The following GLIS1 variants were observed in gnomAD, a reference collection of about 807,000 sequenced individuals.
GLIS1 encodes the protein GLIS family zinc finger 1, also known as zinc finger protein GLIS1.
In GLIS1, 24 loss-of-function variants were observed where a neutral mutation model predicts 63.8. The observed-to-expected ratio is 0.38, with a 90% CI of 0.27 to 0.53. The LOEUF (loss-of-function observed/expected upper bound fraction) is 0.53, where lower values mean the gene tolerates loss of function less well. GLIS1 is among the 20% of genes least tolerant of loss of function. The pLI, the probability that GLIS1 is intolerant of heterozygous loss-of-function variation, is 0.85. For synonymous variants in GLIS1, 450 were observed against 482.5 expected, an observed-to-expected ratio of 0.93 and a Z score of 0.88; for missense variants, 1,036 against 1,074.1, an observed-to-expected ratio of 0.96 and a Z score of 0.50.
At chr1:53,519,965 A>G (rs536734950) in intron 7 of GLIS1, among the ~76,000 whole-genome samples, 1 of 152,324 alleles carries the variant, frequency 6.6e-6, no homozygotes, top group East Asian at 1.9e-4. Flanking sequence ...TGCTTGGGGC[A>G]GGGCCATGGG....
chr1:53,509,000 G>T, intron 10 of GLIS1, 120 bp downstream of exon 10: 1 of 1,004,376 alleles, frequency 1.0e-6, no homozygotes, highest in Non-Finnish European at 1.4e-6. Context: ...CCTCTGTAAA[G>T]TGGGGATGGC....
intron 2 of GLIS1, 118 bp downstream of exon 2, chr1:53,737,688 G>C: frequency 3.0e-6 from 3 of 1,015,888 alleles, no homozygotes; most frequent in Non-Finnish European, 3.8e-6. Context: ...AACAATAAGA[G>C]AGAAACTGAG....
intron 4 of GLIS1, among the ~76,000 whole-genome samples, chr1:53,590,451 G>T (rs1359159303): frequency 3.3e-5 from 5 of 152,150 alleles, no homozygotes; most frequent in African/African-American, 9.7e-5. Flanking sequence ...GTAGAGAAGG[G>T]CATTGTCATG....
intron 2 of GLIS1, among the ~76,000 whole-genome samples, chr1:53,633,714 T>C (rs1176557742): frequency 6.6e-6 from 1 of 152,118 alleles, no homozygotes; most frequent in Non-Finnish European, 1.5e-5. Flanking sequence ...TTCTTTGTTC[T>C]TGGGGGCTGT....
At chr1:53,727,718 A>C (rs1158958744) in intron 2 of GLIS1, among the ~76,000 whole-genome samples, 1 of 152,146 alleles carries the variant, frequency 6.6e-6, no homozygotes, top group Non-Finnish European at 1.5e-5. Flanking sequence ...TCCTTCCCAG[A>C]GGGAGGGGAG....
chr1:53,662,180 C>T (rs1241016011), intron 2 of GLIS1, among the ~76,000 whole-genome samples: 2 of 152,226 alleles, frequency 1.3e-5, no homozygotes, highest in African/African-American at 2.4e-5. Flanking sequence ...CTTGGGGCCT[C>T]AGACGTTCAT....
chr1:53,675,860 C>T (rs1053422358), intron 2 of GLIS1, among the ~76,000 whole-genome samples: 15 of 151,936 alleles, frequency 9.9e-5, no homozygotes, highest in African/African-American at 3.4e-4. Flanking sequence ...CCCCCAACCC[C>T]CACCCCACAG....
chr1:53,658,613 TGATGTCAGA>T (rs1459827205), intron 2 of GLIS1, among the ~76,000 whole-genome samples: 4 of 152,192 alleles, frequency 2.6e-5, no homozygotes, highest in Non-Finnish European at 5.9e-5. Flanking sequence ...AAGCCCATGC[TGATGTCAGA>T]GTCTCCTCTT....
chr1:53,618,274 G>A (rs898563935), intron 2 of GLIS1, among the ~76,000 whole-genome samples: 1 of 152,242 alleles, frequency 6.6e-6, no homozygotes, highest in Non-Finnish European at 1.5e-5. Context: ...ATGCAGAAAT[G>A]AATACACCAG....
chr1:53,579,493 G>A (rs1427905215), intron 4 of GLIS1, among the ~76,000 whole-genome samples: 4 of 152,238 alleles, frequency 2.6e-5, no homozygotes, highest in African/African-American at 9.6e-5. Context: ...TCACCAACCA[G>A]TTGTCAGGAC....
At chr1:53,698,206 A>C (rs762202420) in intron 2 of GLIS1, among the ~76,000 whole-genome samples, 1 of 152,162 alleles carries the variant, frequency 6.6e-6, no homozygotes, top group African/African-American at 2.4e-5. Context: ...AGAGCTGGGG[A>C]AGGACCTTAG....
chr1:53,585,989 G>A (rs1342591183), intron 4 of GLIS1, among the ~76,000 whole-genome samples: 4 of 152,230 alleles, frequency 2.6e-5, no homozygotes, highest in African/African-American at 7.2e-5. Flanking sequence ...GCAGAGCTGG[G>A]ATGAGTCTCC....
intron 4 of GLIS1, among the ~76,000 whole-genome samples, chr1:53,538,329 C>T (rs1272390229): frequency 2.0e-5 from 3 of 152,136 alleles, no homozygotes; most frequent in Non-Finnish European, 2.9e-5. Flanking sequence ...GGGGCATGTG[C>T]GGGGACTGAG....
At chr1:53,541,086 T>C (rs1421705460) in intron 4 of GLIS1, among the ~76,000 whole-genome samples, 2 of 151,982 alleles carry the variant, frequency 1.3e-5, no homozygotes, top group Non-Finnish European at 2.9e-5. Flanking sequence ...TCCACTGGTG[T>C]GTAGCTCCTG....
At chr1:53,675,423 T>C (rs1336921242) in intron 2 of GLIS1, among the ~76,000 whole-genome samples, 1 of 152,116 alleles carries the variant, frequency 6.6e-6, no homozygotes, top group African/African-American at 2.4e-5. Flanking sequence ...CCTTGCTGCT[T>C]CCCTGAATCA....
chr1:53,702,834 G>A (rs1168496245), intron 2 of GLIS1, among the ~76,000 whole-genome samples: 1 of 152,214 alleles, frequency 6.6e-6, no homozygotes, highest in Non-Finnish European at 1.5e-5. Context: ...TAGGCCTCAG[G>A]ATCTTGTCTG....
In GLIS1 at chr1:53,509,974, G is replaced by T; in HGVS notation, c.1937C>A (p.Pro646Gln). The T allele has an allele frequency of 7.7e-7, 1 of 1,292,748 alleles. No homozygotes were observed. Among genetic ancestry groups the T allele is most frequent in the Non-Finnish European group, 9.9e-7 (1 of 1,012,112 alleles). The allele number at this position is 1,292,748 out of a possible 1,614,324, so 80.1% of individuals were successfully genotyped here. A position where few individuals can be genotyped will look rare whatever the true frequency, so the allele number is the denominator to read the frequency against. Residue 646 changes from proline to glutamine, a missense_variant, in exon 9 of 11, where the codon CCA becomes CAA. Physicochemically the swap from Pro to Gln is moderately conservative, Grantham distance 76. This residue lies in a region of GLIS1 where 400 missense variants were observed against 400.9 expected (regional missense o/e 1.00). Transcript: ENST00000628545. ...PIVSPLKGLG[P>Q]PPLPPSSQSH... Reference sequence around the variant, plus strand: ...CTGAGAGGATGGGGGCAGCGGCGGTGGCCCCAGCCCCTTCAGGGGGCTGAC... The same window carrying T: ...CTGAGAGGATGGGGGCAGCGGCGGTTGCCCCAGCCCCTTCAGGGGGCTGAC...
rs573701549 is a variant in GLIS1 at position 53,694,322 on chromosome 1, C to T, written c.259+43484G>A. Among the ~76,000 whole-genome samples, 11 of 152,244 alleles carry T rather than the reference C, an allele frequency of 7.2e-5. No individual in the cohort carries two copies. In the East Asian group the frequency reaches 1.5e-3, roughly 21 times the overall value. On this transcript the variant is annotated intron_variant, in intron 2 of 10. Coordinates refer to ENST00000628545, the MANE Select transcript of GLIS1 (RefSeq NM_001367484.1). ...CACAGCACACCGTAGGTGCTCAGAA[C>T]GCGGTTGTTCTCTTCCCCTCCCCAT...
intron 4 of GLIS1, among the ~76,000 whole-genome samples, chr1:53,580,570 T>C (rs1157830775): frequency 6.6e-6 from 1 of 152,118 alleles, no homozygotes; most frequent in Non-Finnish European, 1.5e-5. Context: ...AGAGGAGTCA[T>C]CGCTGATGCT....
Sources: allele counts gnomAD v4.1 joint callset (sites outside exome capture counted in the v4.1 genomes callset), GRCh38; gene constraint gnomAD v4.1.1; regional missense constraint gnomAD v4.1.1; transcripts MANE v1.5; gene names NCBI Gene and HGNC (gene_info 2026-07-23, HGNC 2026-07-21).